BIRC3: variants seen among roughly 807,000 people sequenced by gnomAD.
BIRC3 encodes the protein baculoviral IAP repeat-containing protein 3.
A neutral mutation model predicts 59.0 loss-of-function variants in BIRC3; 26 were observed. The observed-to-expected ratio is 0.44, with a 90% confidence interval of 0.32 to 0.61. BIRC3 has a LOEUF of 0.61. Among genes scored for constraint, BIRC3 ranks in the 20% least tolerant of loss-of-function variants. The pLI, the probability that BIRC3 is intolerant of heterozygous loss-of-function variation, is 0.04. For synonymous variants in BIRC3, 243 were observed against 249.2 expected, an observed-to-expected ratio of 0.98 and a Z score of 0.24; for missense variants, 641 against 711.5, an observed-to-expected ratio of 0.90 and a Z score of 1.13.
In BIRC3 at chr11:102,320,811, T is replaced by C. The variant is rs570283145; in HGVS notation, c.-2673-1026T>C. On this transcript the variant is annotated intron_variant, in intron 1 of 8. Transcript: ENST00000263464. ...ACAAATAGCAACAGTCTGTTATTGC[T>C]AGACTGTTACTGTTAGTGGAGACTA... Among the ~76,000 whole-genome samples the C allele has an allele frequency of 3.9e-5, 6 of 152,390 alleles. No individual in the cohort carries two copies. In the South Asian group the frequency reaches 6.2e-4, roughly 16 times the overall value.
chr11:102,326,722 T>G, intron 3 of BIRC3: 1 of 454,886 alleles, frequency 2.2e-6, no homozygotes, highest in South Asian at 1.6e-5. Context: ...TCCTCTTTTC[T>G]TTTGAGATGG....
chr11:102,320,930 C>T (rs1308138762), intron 1 of BIRC3, among the ~76,000 whole-genome samples: 1 of 152,224 alleles, frequency 6.6e-6, no homozygotes, highest in Middle Eastern at 3.2e-3. Flanking sequence ...GATTGCTGCC[C>T]TGCAGGACTA....
Position 102,337,972 on chromosome 11 carries a change from C to A in BIRC3, c.*870C>A, listed in dbSNP as rs571407690. On this transcript the variant is annotated 3_prime_UTR_variant, in exon 9 of 9. Transcript: ENST00000263464. The stretch of plus-strand genomic sequence containing the variant: ...TTGTTTATTCACTTCTCTATTGATT[C>A]ATTCAAGAAGTCTCATGCCAGCCCC... 3.0e-4 allele frequency: 67 copies of A among 226,564 alleles called. No individual in the cohort carries two copies. The highest frequency in any genetic ancestry group is 1.5e-3 in the African/African-American group (66 of 45,104). 14.0% of individuals were successfully genotyped at this position (226,564 alleles called of 1,614,324 possible).
intron 4 of BIRC3, 109 bp downstream of exon 4, chr11:102,328,239 A>G: frequency 1.2e-6 from 1 of 839,764 alleles, no homozygotes; most frequent in South Asian, 1.6e-5. Flanking sequence ...TTAGAAATAC[A>G]TTTTCTTTTT....
rs1471032493 is a variant in BIRC3, at chr11:102,322,776, G to GT, written c.-1733dup. On this transcript the variant is annotated 5_prime_UTR_variant, in exon 2 of 9. It removes the in-frame stop codon of an upstream open reading frame in the 5' UTR. Transcript: ENST00000263464. The stretch of plus-strand genomic sequence containing the variant: ...AGGAAACCATGCTTGCAAACCACTG[G>GT]TAAAAAAAAAAAAAAAAAAAAAAAA... 3 of 78,804 alleles carry GT rather than the reference G, an allele frequency of 3.8e-5. No homozygotes were observed. The East Asian group carries it at 9.3e-4, about 24-fold the overall frequency. The allele number at this position is 78,804 out of a possible 1,614,324, so 4.9% of individuals were successfully genotyped here.
rs1332537125 is a variant in BIRC3 at position 102,324,743 on chromosome 11, A to T, written c.234A>T (p.Arg78Ser). The change falls in exon 2 of 9, where the codon AGA (arginine) becomes AGT (serine). Residue 78 changes from arginine (R) to serine (S), a missense_variant. Arg to Ser is a moderately radical substitution (Grantham distance 110). Transcript: ENST00000263464. ...CCGLMLDNWK[R>S]GDSPTEKHKK... ...GCCTGATGCTGGATAACTGGAAAAG[A>T]GGAGACAGTCCTACTGAAAAGCATA... The T allele has an allele frequency of 6.2e-7, 1 of 1,614,210 alleles. No homozygotes were observed. Among genetic ancestry groups the T allele is most frequent in the South Asian group, 1.1e-5 (1 of 91,086 alleles).
At chr11:102,329,754 A>G (rs907198242) in intron 5 of BIRC3, among the ~76,000 whole-genome samples, 1 of 152,172 alleles carries the variant, frequency 6.6e-6, no homozygotes, top group Non-Finnish European at 1.5e-5. Flanking sequence ...ACTTGGACAT[A>G]GGAAGGGGAA....
At chr11:102,332,388 C>T (rs2135790025) in intron 6 of BIRC3, among the ~76,000 whole-genome samples, 1 of 152,296 alleles carries the variant, frequency 6.6e-6, no homozygotes, top group South Asian at 2.1e-4. Flanking sequence ...TGTTGATTTA[C>T]AGCTGCAACT....
rs11225217 is a variant in BIRC3, at chr11:102,337,905, T to G, written c.*803T>G. ...GGTCAACACATCATAAAATCTATTATGGAATGCCTGAGACAAGAATCAAAC... is the reference window on the plus strand; with the variant it reads ...GGTCAACACATCATAAAATCTATTAGGGAATGCCTGAGACAAGAATCAAAC... On this transcript the variant is annotated 3_prime_UTR_variant, in exon 9 of 9. Coordinates refer to ENST00000263464, the MANE Select transcript of BIRC3 (RefSeq NM_001165.5). 0.015 allele frequency: 3,399 copies of G among 228,020 alleles called. 101 individuals are homozygous for G. The highest frequency in any genetic ancestry group is 0.069 in the African/African-American group (3,129 of 45,162). The allele number at this position is 228,020 out of a possible 1,614,324, so 14.1% of individuals were successfully genotyped here.
Position 102,323,196 on chromosome 11 carries a change from C to CA in BIRC3, c.-1308dup. 1 of 198,366 alleles carries CA rather than the reference C, an allele frequency of 5.0e-6. No individual in the cohort carries two copies. Among genetic ancestry groups the CA allele is most frequent in the East Asian group, 7.8e-5 (1 of 12,742 alleles). The allele number at this position is 198,366 out of a possible 1,614,324, so 12.3% of individuals were successfully genotyped here. ...TACAATGTTAGTTCTTTGAGGGGGA[C>CA]AAAAAATTTAAAATCTTTGAAAGGT... On this transcript the variant is annotated 5_prime_UTR_variant, in exon 2 of 9. Transcript: ENST00000263464.
In BIRC3 at chr11:102,324,876, T is replaced by C; in HGVS notation, c.367T>C (p.Ser123Pro). ...FPSSVTNSTH[S>P]LLPGTENSGY... ...TTCTTCAGTAACAAATTCCACACAC[T>C]CATTACTTCCGGGTACAGAAAACAG... Residue 123 changes from serine to proline, a missense_variant, in exon 2 of 9, where the codon TCA becomes CCA. By Grantham distance (74) the Ser-to-Pro change is moderately conservative (BLOSUM62 -1). Around this residue, in one of 4 missense-constraint regions of BIRC3, gnomAD observed 329 missense variants for 365.6 expected, o/e 0.90. Transcript: ENST00000263464. The C allele has an allele frequency of 1.2e-6, 2 of 1,614,206 alleles. No individual in the cohort carries two copies. Among genetic ancestry groups the C allele is most frequent in the Non-Finnish European group, 1.7e-6 (2 of 1,180,026 alleles).
At chr11:102,327,101 A>G (rs955114139) in intron 3 of BIRC3, among the ~76,000 whole-genome samples, 4 of 152,192 alleles carry the variant, frequency 2.6e-5, no homozygotes, top group Non-Finnish European at 5.9e-5. Flanking sequence ...GTAGATAACT[A>G]GTAATCACCT....
chr11:102,328,903 T>C lies in BIRC3; in HGVS notation c.1039T>C (p.Ser347Pro). 7.4e-7 allele frequency: 1 copy of C among 1,346,834 alleles called. No individual in the cohort carries two copies. Among genetic ancestry groups the C allele is most frequent in the Non-Finnish European group, 9.7e-7 (1 of 1,033,060 alleles). The allele number at this position is 1,346,834 out of a possible 1,614,324, so 83.4% of individuals were successfully genotyped here. A position where few individuals can be genotyped will look rare whatever the true frequency, so the allele number is the denominator to read the frequency against. ...ATATTTTTTTTTTCTGCAGCTGCTATCCACATCAGACAGCCCAGGAGATGA... is the reference window on the plus strand; with the variant it reads ...ATATTTTTTTTTTCTGCAGCTGCTACCCACATCAGACAGCCCAGGAGATGA... ...SYPHLLEQLLSTSDSPGDENA... is the reference protein window; with the variant it reads ...SYPHLLEQLLPTSDSPGDENA... Residue 347 changes from serine to proline, a missense_variant, in exon 5 of 9, where the codon TCC (serine) becomes CCC (proline). This residue lies in a region of BIRC3 where 268 missense variants were observed against 255.7 expected (regional missense o/e 1.05). Coordinates refer to ENST00000263464, the MANE Select transcript of BIRC3 (RefSeq NM_001165.5).
chr11:102,336,178 T>C lies in BIRC3; in HGVS notation c.1537T>C (p.Ser513Pro). 2 of 1,613,380 alleles carry C rather than the reference T, an allele frequency of 1.2e-6. No individual in the cohort carries two copies. The highest frequency in any genetic ancestry group is 1.7e-6 in the Non-Finnish European group (2 of 1,179,698). Residue 513 changes from serine to proline, a missense_variant, in exon 7 of 9, where the codon TCT becomes CCT. Physicochemically the swap from Ser to Pro is moderately conservative, Grantham distance 74. This residue lies in a region of BIRC3 where 268 missense variants were observed against 255.7 expected (regional missense o/e 1.05). Transcript: ENST00000263464. ...GNIAATVFRN[S>P]LQEAEAVLYE... Reference sequence around the variant, plus strand: ...TATTGCAGCCACTGTATTCAGAAACTCTCTGCAAGAAGCTGAAGCTGTGTT... The same window carrying C: ...TATTGCAGCCACTGTATTCAGAAACCCTCTGCAAGAAGCTGAAGCTGTGTT...
At position 102,324,905 on chromosome 11, in the gene BIRC3, A is replaced by C; in HGVS notation, c.396A>C (p.Gly132=). The C allele has an allele frequency of 6.2e-7, 1 of 1,614,222 alleles. No individual in the cohort carries two copies. Among genetic ancestry groups the C allele is most frequent in the Non-Finnish European group, 8.5e-7 (1 of 1,180,040 alleles). Residue 132 remains glycine, a synonymous_variant, in exon 2 of 9, where the codon GGA becomes GGC. Coordinates refer to ENST00000263464, the MANE Select transcript of BIRC3 (RefSeq NM_001165.5). ...TACTTCCGGGTACAGAAAACAGTGG[A>C]TATTTCCGTGGCTCTTATTCAAACT... The part of the protein sequence containing the change: ...HSLLPGTENS[G]YFRGSYSNSP...
At chr11:102,335,908 G>A (rs1951190589) in intron 6 of BIRC3, 58 bp from the exon 7 acceptor site, 3 of 1,523,166 alleles carry the variant, frequency 2.0e-6, no homozygotes, top group Non-Finnish European at 2.7e-6. Flanking sequence ...TATAGGACTG[G>A]AAGGAAGTTT....
chr11:102,324,516 A>C lies in BIRC3; in HGVS notation c.7A>C (p.Ile3Leu), dbSNP rs764638130. Reference protein sequence around the residue: MNIVENSIFLSNL... With the variant: MNLVENSIFLSNL... ...CTTCCCCATTCATTTCATTATGAAC[A>C]TAGTAGAAAACAGCATATTCTTATC... Residue 3 changes from isoleucine (I) to leucine (L), a missense_variant, in exon 2 of 9, where the codon ATA becomes CTA. By Grantham distance (5) the Ile-to-Leu change is conservative. Around this residue, in one of 4 missense-constraint regions of BIRC3, gnomAD observed 329 missense variants for 365.6 expected, o/e 0.90. Transcript: ENST00000263464. 84 of 1,609,072 alleles carry C rather than the reference A, an allele frequency of 5.2e-5. No individual in the cohort carries two copies. Among genetic ancestry groups the C allele is most frequent in the Non-Finnish European group, 7.0e-5 (82 of 1,177,202 alleles).
intron 6 of BIRC3, among the ~76,000 whole-genome samples, chr11:102,333,546 G>A (rs755605181): frequency 1.1e-4 from 16 of 150,908 alleles, no homozygotes; most frequent in Non-Finnish European, 1.8e-4. Context: ...TCCAGCCTGG[G>A]CAACAGAGTG....
chr11:102,333,108 T>TTA (rs150387224), intron 6 of BIRC3, among the ~76,000 whole-genome samples: 105 of 152,272 alleles, frequency 6.9e-4, no homozygotes, highest in Middle Eastern at 3.4e-3. Flanking sequence ...TGCCTCACCA[T>TTA]TATATATATA....
Sources: allele counts gnomAD v4.1 joint callset (sites outside exome capture counted in the v4.1 genomes callset), GRCh38; gene constraint gnomAD v4.1.1; regional missense constraint gnomAD v4.1.1; transcripts MANE v1.5; gene names NCBI Gene and HGNC (gene_info 2026-07-23, HGNC 2026-07-21).